Variants in AK8 observed in about 807,000 individuals in gnomAD.
AK8 encodes ATP-AMP transphosphorylase 8.
In AK8, 44 loss-of-function variants were observed where a neutral mutation model predicts 54.6. That is an observed-to-expected ratio of 0.81 (90% CI 0.63 to 1.04). The LOEUF is 1.04. Ranked by LOEUF, AK8 falls within the 50% of genes least tolerant of loss-of-function variation. AK8 has a pLI of 0.00. For missense variants in AK8, 555 were observed against 613.6 expected, an observed-to-expected ratio of 0.90 and a Z score of 1.01; for synonymous variants, 239 against 245.6, an observed-to-expected ratio of 0.97 and a Z score of 0.25.
chr9:132,860,675 C>T lies in AK8; in HGVS notation c.333+2990G>A, dbSNP rs745708486. On this transcript the variant is annotated intron_variant, in intron 4 of 12. Coordinates refer to ENST00000298545, the MANE Select transcript of AK8 (RefSeq NM_152572.3). This position sits in a 1 kb window ranked among gnomAD's most constrained non-coding sequence, Gnocchi z 4.4. ...GAGACACTGCCAGTTATTAATCATG[C>T]CCTGGCCATTTGGGATAGGTGGCTA... is the stretch of plus-strand genomic sequence containing the variant. 2.6e-5 allele frequency among the ~76,000 whole-genome samples: 4 copies of T among 152,214 alleles called. No homozygotes were observed. Among genetic ancestry groups the T allele is most frequent in the South Asian group, 2.1e-4 (1 of 4,832 alleles).
intron 7 of AK8, 85 bp downstream of exon 7, chr9:132,827,928 G>A: frequency 7.3e-7 from 1 of 1,377,848 alleles, no homozygotes; most frequent in Non-Finnish European, 1.0e-6. Context: ...AGAGCAGAAT[G>A]CGAGGTCAGG....
chr9:132,798,986 G>A (rs1016658242), intron 10 of AK8, among the ~76,000 whole-genome samples: 9 of 152,274 alleles, frequency 5.9e-5, no homozygotes, highest in African/African-American at 1.7e-4. Context: ...CAGGAGTCCC[G>A]ACACCCATGA....
chr9:132,728,725 G>T (rs774638121), intron 11 of AK8, among the ~76,000 whole-genome samples: 1 of 152,068 alleles, frequency 6.6e-6, no homozygotes, highest in Non-Finnish European at 1.5e-5. Context: ...TGGACCCAAA[G>T]GAGCAGGACA....
At chr9:132,842,421 CCTAA>C (rs1433304482) in intron 5 of AK8, among the ~76,000 whole-genome samples, 1 of 152,104 alleles carries the variant, frequency 6.6e-6, no homozygotes, top group Non-Finnish European at 1.5e-5. Flanking sequence ...CATTCCTACT[CCTAA>C]CTATGACAGT....
chr9:132,792,022 C>T (rs539379367), intron 11 of AK8, among the ~76,000 whole-genome samples: 5 of 152,336 alleles, frequency 3.3e-5, no homozygotes, highest in African/African-American at 7.2e-5. Flanking sequence ...CTGTCACCTC[C>T]GCTGCCTGCC....
intron 11 of AK8, among the ~76,000 whole-genome samples, chr9:132,740,494 T>TG (rs1564375202): frequency 6.6e-6 from 1 of 152,146 alleles, no homozygotes; most frequent in East Asian, 1.9e-4. Flanking sequence ...CCGTGTGTGG[T>TG]GGGCTGAGTT....
At position 132,810,706 on chromosome 9, in the gene AK8, C is replaced by T. The variant is rs143618515; in HGVS notation, c.979+3932G>A. Among the ~76,000 whole-genome samples, 700 of 152,178 alleles carry T rather than the reference C, an allele frequency of 4.6e-3. 9 individuals carry two copies. Among genetic ancestry groups the T allele is most frequent in the African/African-American group, 0.016 (645 of 41,496 alleles). ...GAGGAAACCAGGAGGCCGAGTGCTC[C>T]GTGACCTCATAAAAAACCAACATCC... is the stretch of plus-strand genomic sequence containing the variant. On this transcript the variant is annotated intron_variant, in intron 10 of 12. Coordinates refer to ENST00000298545, the MANE Select transcript of AK8 (RefSeq NM_152572.3).
chr9:132,803,886 C>A lies in AK8; in HGVS notation c.979+10752G>T, dbSNP rs951566872. On this transcript the variant is annotated intron_variant, in intron 10 of 12. Transcript: ENST00000298545. This position sits in a 1 kb window ranked among gnomAD's most constrained non-coding sequence, Gnocchi z 4.4. ...CAGCACTTTGGGAGGCCGAGGCTGG[C>A]GGATCACGAGGTCAAGAGATGGAGA... Among the ~76,000 whole-genome samples the A allele has an allele frequency of 6.6e-6, 1 of 152,070 alleles. No homozygotes were observed. Among genetic ancestry groups the A allele is most frequent in the South Asian group, 2.1e-4 (1 of 4,818 alleles).
chr9:132,808,210 T>C (rs1564412499), intron 10 of AK8, among the ~76,000 whole-genome samples: 1 of 152,200 alleles, frequency 6.6e-6, no homozygotes, highest in Non-Finnish European at 1.5e-5. Context: ...ACCCTGTTTA[T>C]CGTATGCAGA....
chr9:132,748,477 G>C (rs1045476861), intron 11 of AK8, among the ~76,000 whole-genome samples: 16 of 151,940 alleles, frequency 1.1e-4, no homozygotes, highest in African/African-American at 3.9e-4. Flanking sequence ...AGGTGAGGAA[G>C]TGTGAATAGC....
rs1355203482 is a variant in AK8, at chr9:132,837,514, A to G, written c.403-8788T>C. ...GTTCCCATCATCTCCGTGCCTCTCA[A>G]TACTCTCTCCTGCTCCAAGGTCTGC... On this transcript the variant is annotated intron_variant, in intron 5 of 12. Transcript: ENST00000298545. This position sits in a 1 kb window ranked among gnomAD's most constrained non-coding sequence, Gnocchi z 4.3. Among the ~76,000 whole-genome samples, 1 of 151,732 alleles carries G rather than the reference A, an allele frequency of 6.6e-6. No homozygotes were observed. The highest frequency in any genetic ancestry group is 2.4e-5 in the African/African-American group (1 of 41,276).
At chr9:132,752,977 T>C (rs1232500272) in intron 11 of AK8, among the ~76,000 whole-genome samples, 1 of 152,250 alleles carries the variant, frequency 6.6e-6, no homozygotes, top group African/African-American at 2.4e-5. Flanking sequence ...TGCTTGTTTC[T>C]GTGGCCCCAG....
chr9:132,729,129 C>T (rs1836708630), intron 11 of AK8, among the ~76,000 whole-genome samples: 1 of 152,230 alleles, frequency 6.6e-6, no homozygotes, highest in Non-Finnish European at 1.5e-5. Context: ...AAGAAATCTG[C>T]CCCCTTCAGC....
In AK8 at chr9:132,860,395, C is replaced by T. The variant is rs1173053962; in HGVS notation, c.333+3270G>A. Among the ~76,000 whole-genome samples the T allele has an allele frequency of 6.6e-6, 1 of 152,220 alleles. No homozygotes were observed. The highest frequency in any genetic ancestry group is 6.5e-5 in the Admixed American group (1 of 15,290). ...ATAAATGAAGACCTCCCAAATGAGA[C>T]AAGCCAAGGCTGTTTACTCAGAGCT... On this transcript the variant is annotated intron_variant, in intron 4 of 12. Coordinates refer to ENST00000298545, the MANE Select transcript of AK8 (RefSeq NM_152572.3). This position sits in a 1 kb window ranked among gnomAD's most constrained non-coding sequence, Gnocchi z 4.4.
At position 132,860,641 on chromosome 9, in the gene AK8, C is replaced by G. The variant is rs1588226742; in HGVS notation, c.333+3024G>C. On this transcript the variant is annotated intron_variant, in intron 4 of 12. Transcript: ENST00000298545. The surrounding 1 kb of genome is among the most constrained non-coding windows in gnomAD (Gnocchi z 4.4). The stretch of plus-strand genomic sequence containing the variant: ...GCTGGTCTCAGGTTGGAAGCAGGAA[C>G]AAAAACTAGAGACACTGCCAGTTAT... Among the ~76,000 whole-genome samples, 1 of 152,220 alleles carries G rather than the reference C, an allele frequency of 6.6e-6. No individual in the cohort carries two copies. The highest frequency in any genetic ancestry group is 1.9e-4 in the East Asian group (1 of 5,192).
At chr9:132,805,316 A>G (rs1840669181) in intron 10 of AK8, among the ~76,000 whole-genome samples, 1 of 152,180 alleles carries the variant, frequency 6.6e-6, no homozygotes, top group African/African-American at 2.4e-5. Context: ...TGCCTGATAC[A>G]CAGCAACACT....
At chr9:132,878,649 C>A, upstream of AK8, 3 of 1,021,134 alleles carry the variant, frequency 2.9e-6, no homozygotes, top group Non-Finnish European at 3.5e-6. This position sits in a 1 kb window ranked among gnomAD's most constrained non-coding sequence, Gnocchi z 4.7. Context: ...TCAGTTTACC[C>A]ATCTTTAAAA....
intron 5 of AK8, among the ~76,000 whole-genome samples, chr9:132,848,472 A>G (rs1474975550): frequency 6.6e-6 from 1 of 152,170 alleles, no homozygotes; most frequent in African/African-American, 2.4e-5. Flanking sequence ...AAATTGGGGT[A>G]AAGGACTGGG....
intron 11 of AK8, among the ~76,000 whole-genome samples, chr9:132,733,287 T>G (rs550383163): frequency 1.9e-4 from 29 of 150,972 alleles, no homozygotes; most frequent in African/African-American, 7.1e-4. Context: ...CGCAGCGGCT[T>G]TCATCCCTGA....
Sources: gnomAD v4.1 joint callset for allele counts (sites outside exome capture counted in the v4.1 genomes callset) on GRCh38, gnomAD v4.1.1 for gene constraint, Gnocchi (gnomAD v3.1) non-coding constraint, MANE v1.5 for transcripts, NCBI Gene and HGNC (gene_info 2026-07-23, HGNC 2026-07-21) for gene names.